The following PITPNC1 variants were observed in gnomAD, a reference collection of about 807,000 sequenced individuals.
PITPNC1 encodes the protein phosphatidylinositol transfer protein cytoplasmic 1.
In PITPNC1, 18 loss-of-function variants were observed where a neutral mutation model predicts 44.7. The observed-to-expected ratio is 0.40, with a 90% CI of 0.28 to 0.60. The LOEUF (loss-of-function observed/expected upper bound fraction) is 0.60, where lower values mean the gene tolerates loss of function less well. Among genes scored for constraint, PITPNC1 ranks in the 20% least tolerant of loss-of-function variants. The pLI is 0.39. For synonymous variants in PITPNC1, 141 were observed against 149.6 expected (o/e 0.94, Z 0.42); for missense variants, 290 against 418.4 (o/e 0.69, Z 2.68).
intron 5 of PITPNC1, among the ~76,000 whole-genome samples, chr17:67,601,320 A>C (rs576147171): frequency 6.6e-6 from 1 of 152,352 alleles, no homozygotes; most frequent in South Asian, 2.1e-4. Context: ...CAATGAAAGG[A>C]GAGATTCTAA....
chr17:67,553,031 C>G (rs1007767628), intron 3 of PITPNC1, among the ~76,000 whole-genome samples: 2 of 152,100 alleles, frequency 1.3e-5, no homozygotes, highest in South Asian at 2.1e-4. Context: ...TCTCTTTGCC[C>G]CCAGATGACT....
chr17:67,547,073 T>A (rs538347678), intron 2 of PITPNC1, among the ~76,000 whole-genome samples: 1 of 152,342 alleles, frequency 6.6e-6, no homozygotes, highest in South Asian at 2.1e-4. Context: ...TGGACTATCT[T>A]GTGAGAAATG....
intron 1 of PITPNC1, among the ~76,000 whole-genome samples, chr17:67,532,547 C>T (rs746168259): frequency 6.6e-6 from 1 of 152,138 alleles, no homozygotes; most frequent in Non-Finnish European, 1.5e-5. Flanking sequence ...CCAAAGCTTA[C>T]AGACTGCCAG....
At chr17:67,441,576 AAAC>A (rs2039013580) in intron 1 of PITPNC1, among the ~76,000 whole-genome samples, 1 of 152,220 alleles carries the variant, frequency 6.6e-6, no homozygotes, top group Admixed American at 6.5e-5. Flanking sequence ...AGGCGGATGG[AAAC>A]AACACTTTTG....
intron 1 of PITPNC1, among the ~76,000 whole-genome samples, chr17:67,417,527 G>C (rs1335754895): frequency 6.6e-6 from 1 of 152,192 alleles, no homozygotes; most frequent in Non-Finnish European, 1.5e-5. Context: ...TTGGTTGCCA[G>C]CCTCCCTGAG....
At chr17:67,594,008 T>C (rs1334370043) in intron 5 of PITPNC1, among the ~76,000 whole-genome samples, 1 of 152,192 alleles carries the variant, frequency 6.6e-6, no homozygotes, top group Non-Finnish European at 1.5e-5. Context: ...TGACAGAGGA[T>C]GGACAGCAAT....
At chr17:67,478,876 T>G (rs1007293255) in intron 1 of PITPNC1, among the ~76,000 whole-genome samples, 1 of 151,540 alleles carries the variant, frequency 6.6e-6, no homozygotes, top group Non-Finnish European at 1.5e-5. Flanking sequence ...AGCCTGCGAC[T>G]TTCTTCAATC....
intron 5 of PITPNC1, among the ~76,000 whole-genome samples, chr17:67,599,850 T>C (rs1247843842): frequency 6.6e-6 from 1 of 152,022 alleles, no homozygotes; most frequent in East Asian, 1.9e-4. Flanking sequence ...TTCGGGTGTA[T>C]CTCCTCTGTT....
At chr17:67,511,917 TG>T (rs2040189233) in intron 1 of PITPNC1, among the ~76,000 whole-genome samples, 1 of 152,256 alleles carries the variant, frequency 6.6e-6, no homozygotes, top group Admixed American at 6.5e-5. Context: ...AGGGTGATAC[TG>T]ATTACTTGAG....
intron 6 of PITPNC1, among the ~76,000 whole-genome samples, chr17:67,643,224 A>G (rs552938823): frequency 1.3e-5 from 2 of 152,294 alleles, no homozygotes; most frequent in Non-Finnish European, 1.5e-5. Context: ...CCTGTCTACT[A>G]AAAATACGAA....
At chr17:67,652,241 G>T (rs749789497) in intron 6 of PITPNC1, among the ~76,000 whole-genome samples, 4 of 152,192 alleles carry the variant, frequency 2.6e-5, no homozygotes, top group African/African-American at 9.7e-5. Context: ...CCTCCAAGAT[G>T]CAAGCTCAGC....
intron 6 of PITPNC1, among the ~76,000 whole-genome samples, chr17:67,664,045 C>T (rs1191558649): frequency 1.3e-5 from 2 of 152,160 alleles, no homozygotes; most frequent in Non-Finnish European, 2.9e-5. Context: ...TCACTGCAAC[C>T]TCCACCTCCT....
chr17:67,466,551 T>C (rs150747759), intron 1 of PITPNC1, among the ~76,000 whole-genome samples: 28 of 152,298 alleles, frequency 1.8e-4, no homozygotes, highest in South Asian at 4.1e-4. Flanking sequence ...TTGGCCTTTT[T>C]CTAACTCATC....
chr17:67,384,971 C>G (rs1320807394), intron 1 of PITPNC1, among the ~76,000 whole-genome samples: 1 of 152,172 alleles, frequency 6.6e-6, no homozygotes, highest in African/African-American at 2.4e-5. Context: ...AAAGTTTTCT[C>G]AAGAACGAGC....
chr17:67,516,788 T>G (rs1408874821), intron 1 of PITPNC1, among the ~76,000 whole-genome samples: 1 of 152,148 alleles, frequency 6.6e-6, no homozygotes, highest in African/African-American at 2.4e-5. Flanking sequence ...CTGGTTAATT[T>G]TTGTATTTTT....
chr17:67,491,056 C>G (rs891956194), intron 1 of PITPNC1, among the ~76,000 whole-genome samples: 1 of 152,204 alleles, frequency 6.6e-6, no homozygotes. Context: ...TGCAGTCCTG[C>G]CCTGGGCACC....
intron 4 of PITPNC1, among the ~76,000 whole-genome samples, chr17:67,568,986 C>T (rs537148825): frequency 6.7e-4 from 102 of 152,116 alleles, no homozygotes; most frequent in Non-Finnish European, 8.2e-4. Flanking sequence ...GTACATTCTT[C>T]CAGAAGTTTC....
intron 1 of PITPNC1, among the ~76,000 whole-genome samples, chr17:67,501,376 C>T (rs376764617): frequency 8.8e-4 from 134 of 152,270 alleles, no homozygotes; most frequent in African/African-American, 6.5e-4. Flanking sequence ...TCTCAGCCAT[C>T]GTCATCTGGC....
chr17:67,601,105 C>T (rs2041533617), intron 5 of PITPNC1, among the ~76,000 whole-genome samples: 1 of 152,066 alleles, frequency 6.6e-6, no homozygotes, highest in Non-Finnish European at 1.5e-5. Flanking sequence ...GGATTTCACC[C>T]CAAGCAGCCT....
Sources: gnomAD v4.1 joint callset for allele counts (sites outside exome capture counted in the v4.1 genomes callset) on GRCh38, gnomAD v4.1.1 for gene constraint, MANE v1.5 for transcripts, NCBI Gene and HGNC (gene_info 2026-07-23, HGNC 2026-07-21) for gene names.